SAMSN1: variants seen among roughly 807,000 people sequenced by gnomAD.
SAMSN1 encodes the protein SAM domain, SH3 domain and nuclear localization signals 1, also known as SAM domain-containing protein SAMSN-1.
SAMSN1 carries 31 observed loss-of-function variants against 42.0 expected under a neutral mutation model. The observed-to-expected ratio is 0.74, with a 90% CI of 0.55 to 1.00. The LOEUF (loss-of-function observed/expected upper bound fraction) is 1.00. Among genes scored for constraint, SAMSN1 ranks in the 50% least tolerant of loss-of-function variants. The pLI is 0.00. For synonymous variants in SAMSN1, 178 were observed against 151.9 expected, an observed-to-expected ratio of 1.17 and a Z score of -1.26; for missense variants, 464 against 439.4, an observed-to-expected ratio of 1.06 and a Z score of -0.50.
chr21:14,615,886 AAAGTAC>A, intron 3 of SAMSN1: 1 of 370,968 alleles, frequency 2.7e-6, no homozygotes, highest in Non-Finnish European at 5.1e-6. Context: ...AAAAAAAAAA[AAAGTAC>A]TTTGGCACGA....
At chr21:14,635,298 G>T (rs1012020676) in intron 2 of SAMSN1, among the ~76,000 whole-genome samples, 6 of 152,130 alleles carry the variant, frequency 3.9e-5, no homozygotes, top group Non-Finnish European at 5.9e-5. Flanking sequence ...ATATACCTAT[G>T]TAACAACCCT....
chr21:14,561,538 G>A (rs1413968848), intron 2 of SAMSN1, among the ~76,000 whole-genome samples: 6 of 152,162 alleles, frequency 3.9e-5, no homozygotes, highest in Non-Finnish European at 7.4e-5. Context: ...AGACATGGGA[G>A]GGAGATGACA....
chr21:14,516,601 A>G (rs1448207418), intron 3 of SAMSN1, among the ~76,000 whole-genome samples: 1 of 152,142 alleles, frequency 6.6e-6, no homozygotes, highest in Non-Finnish European at 1.5e-5. Flanking sequence ...CATGTTGGCC[A>G]GGCTGGTCTT....
intron 6 of SAMSN1, among the ~76,000 whole-genome samples, chr21:14,600,015 G>A (rs955028381): frequency 2.0e-5 from 3 of 152,088 alleles, no homozygotes; most frequent in South Asian, 2.1e-4. Flanking sequence ...CAGTCATGAC[G>A]ATCCAGGTGA....
At chr21:14,556,948 C>T (rs1980780235) in intron 2 of SAMSN1, among the ~76,000 whole-genome samples, 1 of 152,188 alleles carries the variant, frequency 6.6e-6, no homozygotes, top group Non-Finnish European at 1.5e-5. Context: ...TGCCCAGCAA[C>T]ACCCTCTCCA....
chr21:14,631,159 T>G (rs1983317707), intron 2 of SAMSN1, among the ~76,000 whole-genome samples: 1 of 152,236 alleles, frequency 6.6e-6, no homozygotes. Context: ...CTTTTTAAGC[T>G]AAGCTTAAAT....
intron 1 of SAMSN1, among the ~76,000 whole-genome samples, chr21:14,537,994 A>T (rs1305397156): frequency 2.6e-5 from 4 of 152,082 alleles, no homozygotes; most frequent in Non-Finnish European, 5.9e-5. Flanking sequence ...TCTAGACTTC[A>T]TTTTCTCCTG....
intron 7 of SAMSN1, among the ~76,000 whole-genome samples, chr21:14,589,891 C>A (rs1263759321): frequency 2.0e-5 from 3 of 152,076 alleles, no homozygotes; most frequent in Admixed American, 2.0e-4. Context: ...ATCCTAATAA[C>A]CTGATGTCTA....
intron 7 of SAMSN1, among the ~76,000 whole-genome samples, chr21:14,589,207 G>A (rs941882883): frequency 1.3e-5 from 2 of 152,004 alleles, no homozygotes; most frequent in African/African-American, 2.4e-5. Context: ...TTATGAGCTA[G>A]GATGGAAATT....
At chr21:14,645,849 C>T (rs372167349) in intron 1 of SAMSN1, among the ~76,000 whole-genome samples, 3 of 152,112 alleles carry the variant, frequency 2.0e-5, no homozygotes, top group African/African-American at 4.8e-5. Flanking sequence ...AATCCTGGAA[C>T]TGAAAAATGC....
At chr21:14,547,239 C>T (rs1410980493), upstream of SAMSN1, among the ~76,000 whole-genome samples, 1 of 152,084 alleles carries the variant, frequency 6.6e-6, no homozygotes, top group South Asian at 2.1e-4. Context: ...TTAAACAGAA[C>T]CCCCAATTAA....
chr21:14,516,659 C>T (rs768770228), intron 3 of SAMSN1, among the ~76,000 whole-genome samples: 1 of 152,098 alleles, frequency 6.6e-6, no homozygotes, highest in African/African-American at 2.4e-5. Context: ...CCAAAGTGCT[C>T]GGATTACAGG....
intron 1 of SAMSN1, among the ~76,000 whole-genome samples, chr21:14,658,107 C>T (rs1012470435): frequency 2.0e-5 from 3 of 151,738 alleles, no homozygotes; most frequent in African/African-American, 4.8e-5. Flanking sequence ...GTCACAATTG[C>T]AGGTTAGAGT....
intron 1 of SAMSN1, among the ~76,000 whole-genome samples, chr21:14,538,615 A>C (rs1235036824): frequency 6.6e-6 from 1 of 152,170 alleles, no homozygotes; most frequent in Non-Finnish European, 1.5e-5. Flanking sequence ...GTCTTGATAC[A>C]AAAAAACAGT....
At chr21:14,561,980 A>C (rs1156787057) in intron 2 of SAMSN1, among the ~76,000 whole-genome samples, 2 of 151,476 alleles carry the variant, frequency 1.3e-5, no homozygotes, top group Non-Finnish European at 3.0e-5. Flanking sequence ...CAATACCTTG[A>C]TTTTGGACTT....
At chr21:14,592,385 A>C (rs1982113072) in intron 7 of SAMSN1, 1 of 153,282 alleles carries the variant, frequency 6.5e-6, no homozygotes, top group African/African-American at 2.4e-5. Context: ...TATTTATTTC[A>C]TATACACAAG....
chr21:14,494,939 A>G (rs954707544), intron 7 of SAMSN1, among the ~76,000 whole-genome samples: 37 of 152,170 alleles, frequency 2.4e-4, no homozygotes, highest in Non-Finnish European at 5.4e-4. Flanking sequence ...TATCCTCAAG[A>G]TATGTGCCCA....
intron 2 of SAMSN1, among the ~76,000 whole-genome samples, chr21:14,554,694 TTTTC>T (rs1980703186): frequency 8.2e-6 from 1 of 122,640 alleles, no homozygotes; most frequent in African/African-American, 3.2e-5. Flanking sequence ...TTTGTTTTCT[TTTTC>T]TTTTTTTTTT....
intron 5 of SAMSN1, among the ~76,000 whole-genome samples, chr21:14,602,424 C>G (rs1982460864): frequency 6.6e-6 from 1 of 152,126 alleles, no homozygotes; most frequent in Non-Finnish European, 1.5e-5. Context: ...CTTCAACATG[C>G]TATGACTCCA....
Sources: gnomAD v4.1 joint callset for allele counts (sites outside exome capture counted in the v4.1 genomes callset) on GRCh38, gnomAD v4.1.1 for gene constraint, MANE v1.5 for transcripts, NCBI Gene and HGNC (gene_info 2026-07-23, HGNC 2026-07-21) for gene names.